Variants in ADGRB3 observed in about 807,000 individuals in gnomAD.
ADGRB3 encodes the protein adhesion G protein-coupled receptor B3.
A neutral mutation model predicts 193.4 loss-of-function variants in ADGRB3; 37 were observed. That is an observed-to-expected ratio of 0.19 (90% CI 0.15 to 0.25). ADGRB3 has a LOEUF of 0.25. Among genes scored for constraint, ADGRB3 ranks in the 10% least tolerant of loss-of-function variants. ADGRB3 has a pLI of 1.00. For missense variants in ADGRB3, 1,637 were observed against 1,852.9 expected, an observed-to-expected ratio of 0.88 and a Z score of 2.14; for synonymous variants, 690 against 644.2, an observed-to-expected ratio of 1.07 and a Z score of -1.08.
chr6:68,822,971 A>G (rs1290983425), intron 3 of ADGRB3, among the ~76,000 whole-genome samples: 1 of 152,040 alleles, frequency 6.6e-6, no homozygotes, highest in African/African-American at 2.4e-5. Flanking sequence ...GATGGCAGAA[A>G]TAAACATAAA....
At chr6:69,267,136 T>C (rs927012681) in intron 20 of ADGRB3, among the ~76,000 whole-genome samples, 19 of 152,112 alleles carry the variant, frequency 1.2e-4, no homozygotes, top group African/African-American at 4.6e-4. Context: ...AATTTTTTTG[T>C]TTTTAACATT....
chr6:69,061,470 G>GAGTAACATA (rs1386362634), intron 15 of ADGRB3, among the ~76,000 whole-genome samples: 1 of 151,902 alleles, frequency 6.6e-6, no homozygotes, highest in Non-Finnish European at 1.5e-5. Flanking sequence ...AACAATATGG[G>GAGTAACATA]AGTAACATAA....
At chr6:69,042,438 G>C (rs1771099835) in intron 13 of ADGRB3, among the ~76,000 whole-genome samples, 1 of 152,166 alleles carries the variant, frequency 6.6e-6, no homozygotes, top group African/African-American at 2.4e-5. Flanking sequence ...ATAGATGTTA[G>C]CTATCCTTCC....
intron 3 of ADGRB3, among the ~76,000 whole-genome samples, chr6:68,729,010 G>A (rs987136419): frequency 2.0e-5 from 3 of 151,386 alleles, no homozygotes; most frequent in Non-Finnish European, 4.4e-5. Context: ...TCTAAGATAA[G>A]CCACTCTAAC....
intron 3 of ADGRB3, among the ~76,000 whole-genome samples, chr6:68,912,354 T>G (rs1162198406): frequency 6.7e-6 from 1 of 149,914 alleles, no homozygotes; most frequent in Admixed American, 6.6e-5. Flanking sequence ...TTTATTATTT[T>G]ATTTTATTTT....
Position 69,325,169 on chromosome 6 carries a change from C to T in ADGRB3, c.2965+147C>T. 1.9e-6 allele frequency: 2 copies of T among 1,060,646 alleles called. 1 individual carries two copies. Among genetic ancestry groups the T allele is most frequent in the South Asian group, 3.5e-5 (2 of 56,730 alleles). 65.7% of individuals were successfully genotyped at this position (1,060,646 alleles called of 1,614,324 possible). On this transcript the variant is annotated intron_variant, in intron 21 of 31. Coordinates refer to ENST00000370598, the MANE Select transcript of ADGRB3 (RefSeq NM_001704.3). The stretch of plus-strand genomic sequence containing the variant: ...AATACATGAGCTGGTCAGTTTTGAA[C>T]ATTCATTGGTCATTTGGAACTTTAA...
At chr6:68,984,145 T>C (rs7757025) in intron 10 of ADGRB3, among the ~76,000 whole-genome samples, 126,561 of 152,032 alleles carry the variant, frequency 0.83, 52,953 homozygotes, top group Middle Eastern at 0.9. Context: ...GCAATGGGAA[T>C]GCATTGAGAA....
At chr6:69,017,229 A>G (rs1258409731) in intron 12 of ADGRB3, among the ~76,000 whole-genome samples, 2 of 151,908 alleles carry the variant, frequency 1.3e-5, no homozygotes, top group African/African-American at 4.8e-5. Context: ...CCTTTGAAAT[A>G]CACATGTGCC....
intron 3 of ADGRB3, among the ~76,000 whole-genome samples, chr6:68,771,717 T>TA (rs528744911): frequency 5.3e-5 from 8 of 152,082 alleles, no homozygotes; most frequent in Admixed American, 1.3e-4. Context: ...AAGAAAAATA[T>TA]AGCAGCATTA....
intron 25 of ADGRB3, 26 bp downstream of exon 25, chr6:69,339,040 T>C (rs773026830): frequency 5.6e-6 from 9 of 1,609,650 alleles, no homozygotes; most frequent in Non-Finnish European, 7.6e-6. Context: ...TTACATCTTC[T>C]TGTTACAAAT....
intron 26 of ADGRB3, among the ~76,000 whole-genome samples, chr6:69,346,963 GC>G (rs1346358320): frequency 1.3e-5 from 2 of 152,164 alleles, no homozygotes; most frequent in African/African-American, 4.8e-5. Flanking sequence ...TAACCCAAAT[GC>G]CCATCAATGA....
At chr6:69,059,936 G>A (rs547330453) in intron 15 of ADGRB3, among the ~76,000 whole-genome samples, 152 of 152,086 alleles carry the variant, frequency 1.0e-3, no homozygotes, top group African/African-American at 3.5e-3. Context: ...ATGTTCCAAA[G>A]AATAATACGA....
chr6:69,240,547 C>G (rs62406854), intron 20 of ADGRB3, among the ~76,000 whole-genome samples: 21,696 of 151,400 alleles, frequency 0.14, 1,606 homozygotes, highest in Middle Eastern at 0.16. Context: ...AAGAGAGAGA[C>G]AGAATGACTA....
intron 3 of ADGRB3, among the ~76,000 whole-genome samples, chr6:68,787,118 C>A (rs1278003651): frequency 6.6e-6 from 1 of 152,158 alleles, no homozygotes. Context: ...ATTTGACTTC[C>A]TCTTTTCCTA....
intron 3 of ADGRB3, among the ~76,000 whole-genome samples, chr6:68,787,091 A>G (rs1766990996): frequency 6.6e-6 from 1 of 152,196 alleles, no homozygotes; most frequent in Non-Finnish European, 1.5e-5. Context: ...CAATCATGTA[A>G]TCTGCAAACA....
At chr6:68,720,632 T>C (rs1765559410) in intron 3 of ADGRB3, among the ~76,000 whole-genome samples, 1 of 151,768 alleles carries the variant, frequency 6.6e-6, no homozygotes, top group Non-Finnish European at 1.5e-5. Context: ...AAGTGCATTC[T>C]TTGCATAGAA....
chr6:69,111,665 G>A (rs1773369899), intron 17 of ADGRB3, among the ~76,000 whole-genome samples: 1 of 152,150 alleles, frequency 6.6e-6, no homozygotes, highest in Admixed American at 6.6e-5. Flanking sequence ...TTTGAGTTCA[G>A]TTTTCTGGAC....
At chr6:68,932,729 CTG>C (rs1235645679) in intron 4 of ADGRB3, among the ~76,000 whole-genome samples, 1 of 151,276 alleles carries the variant, frequency 6.6e-6, no homozygotes, top group African/African-American at 2.4e-5. Context: ...AGAAAAAAGA[CTG>C]TAACATATAA....
chr6:68,903,543 T>C (rs1420096237), intron 3 of ADGRB3, among the ~76,000 whole-genome samples: 1 of 152,152 alleles, frequency 6.6e-6, no homozygotes, highest in Admixed American at 6.5e-5. Context: ...ATTTTGCTTA[T>C]ACTTGCAACT....
Sources: allele counts gnomAD v4.1 joint callset (sites outside exome capture counted in the v4.1 genomes callset), GRCh38; gene constraint gnomAD v4.1.1; transcripts MANE v1.5; gene names NCBI Gene and HGNC (gene_info 2026-07-23, HGNC 2026-07-21).